The following DNAH6 variants were observed in gnomAD, a reference collection of about 807,000 sequenced individuals.
The protein encoded by DNAH6 is dynein axonemal heavy chain 6.
Under a neutral mutation model 491.4 loss-of-function variants are expected in DNAH6, and 340 were observed. That is an observed-to-expected ratio of 0.69 (90% CI 0.63 to 0.76). DNAH6 has a LOEUF of 0.76. Among genes scored for constraint, DNAH6 ranks in the 30% least tolerant of loss-of-function variants. DNAH6 has a pLI of 0.00. For missense variants in DNAH6, 4,443 were observed against 4,972.2 expected (o/e 0.89, Z 3.20); for synonymous variants, 1,603 against 1,686.1 (o/e 0.95, Z 1.21).
At chr2:84,808,131 A>ATATATG (rs369348036) in intron 71 of DNAH6, among the ~76,000 whole-genome samples, 12 of 141,260 alleles carry the variant, frequency 8.5e-5, no homozygotes, top group African/African-American at 3.4e-4. Context: ...GTGTATATAT[A>ATATATG]TGTGTGTGTG....
intron 63 of DNAH6, among the ~76,000 whole-genome samples, chr2:84,754,925 T>C (rs1673849204): frequency 6.6e-6 from 1 of 152,220 alleles, no homozygotes; most frequent in Non-Finnish European, 1.5e-5. Flanking sequence ...ACATGTGGTG[T>C]TTTTCCACTT....
chr2:84,718,532 G>A, intron 59 of DNAH6, 148 bp downstream of exon 59: 1 of 534,628 alleles, frequency 1.9e-6, no homozygotes. Flanking sequence ...TGCCTGTCAG[G>A]GCTCCTTGCC....
intron 18 of DNAH6, among the ~76,000 whole-genome samples, chr2:84,597,670 G>T (rs1684735362): frequency 6.6e-6 from 1 of 152,190 alleles, no homozygotes; most frequent in African/African-American, 2.4e-5. Flanking sequence ...AATGTTCACA[G>T]CAGCATTGTT....
intron 68 of DNAH6, among the ~76,000 whole-genome samples, chr2:84,788,224 T>C (rs41365348): frequency 0.022 from 3,363 of 152,254 alleles, 127 homozygotes; most frequent in African/African-American, 0.077. Context: ...AAAGTGATGA[T>C]GTAGGCAAAA....
chr2:84,554,619 A>C (rs1385209541), intron 10 of DNAH6, among the ~76,000 whole-genome samples: 4 of 152,336 alleles, frequency 2.6e-5, no homozygotes, highest in Middle Eastern at 3.4e-3. Flanking sequence ...AAGGCATATG[A>C]GTTCTAGCAT....
chr2:84,772,108 A>G (rs918610979), intron 64 of DNAH6, among the ~76,000 whole-genome samples: 2 of 152,216 alleles, frequency 1.3e-5, no homozygotes, highest in Non-Finnish European at 2.9e-5. Flanking sequence ...AATTTTTTAT[A>G]CAACTGAAAC....
At chr2:84,667,402 G>C (rs1374146404) in intron 37 of DNAH6, among the ~76,000 whole-genome samples, 1 of 151,866 alleles carries the variant, frequency 6.6e-6, no homozygotes, top group Non-Finnish European at 1.5e-5. Flanking sequence ...AAATTTACAA[G>C]AAAAAAAATC....
intron 22 of DNAH6, among the ~76,000 whole-genome samples, chr2:84,612,255 T>A (rs1236108723): frequency 1.3e-5 from 2 of 151,400 alleles, no homozygotes; most frequent in Non-Finnish European, 2.9e-5. Flanking sequence ...CACAAAAATG[T>A]CCACACCTTA....
intron 42 of DNAH6, among the ~76,000 whole-genome samples, chr2:84,681,729 C>T (rs1437207810): frequency 2.0e-5 from 3 of 149,528 alleles, no homozygotes; most frequent in Non-Finnish European, 4.4e-5. Context: ...CAGCTGATTA[C>T]TTGTCTTTCA....
intron 44 of DNAH6, among the ~76,000 whole-genome samples, chr2:84,687,088 A>G (rs1694334019): frequency 1.3e-5 from 2 of 152,134 alleles, no homozygotes; most frequent in Non-Finnish European, 2.9e-5. Flanking sequence ...AAATTTTTTT[A>G]TATATTTAAC....
In DNAH6 at chr2:84,703,455, A is replaced by G. The variant is rs1029979422; in HGVS notation, c.8122A>G (p.Lys2708Glu). 3.9e-6 allele frequency: 6 copies of G among 1,549,962 alleles called. No individual in the cohort carries two copies. The East Asian group carries it at 7.3e-5, about 19-fold the overall frequency. ...KLLETNILVD[K>E]MKLDLSALEP... ...ACTAGAAACAAACATACTAGTAGAT[A>G]AAATGAAACTAGATCTTTCAGCTTT... Residue 2708 changes from lysine to glutamate, a missense_variant, in exon 50 of 77, where the codon AAA becomes GAA. By Grantham distance (56) the Lys-to-Glu change is moderately conservative. Transcript: ENST00000389394.
chr2:84,517,702 T>G, intron 1 of DNAH6, 117 bp from the exon 2 acceptor site: 1 of 746,342 alleles, frequency 1.3e-6, no homozygotes, highest in Non-Finnish European at 2.2e-6. Flanking sequence ...TGGGTTTTAT[T>G]TGAGGGAAGT....
At chr2:84,619,948 A>C in intron 24 of DNAH6, 44 bp downstream of exon 24, 8 of 1,465,052 alleles carry the variant, frequency 5.5e-6, no homozygotes, top group Non-Finnish European at 6.5e-6. Context: ...GAACTTTGCT[A>C]CTCCTCTAGG....
intron 72 of DNAH6, among the ~76,000 whole-genome samples, chr2:84,810,867 C>T (rs536146039): frequency 5.3e-5 from 8 of 152,316 alleles, no homozygotes; most frequent in Admixed American, 2.6e-4. Context: ...TTGGCTGCCT[C>T]CTTTGGGAGA....
chr2:84,701,426 C>T, intron 49 of DNAH6, 87 bp downstream of exon 49: 1 of 1,358,964 alleles, frequency 7.4e-7, no homozygotes, highest in Non-Finnish European at 1.0e-6. Flanking sequence ...ACTGTCTTAC[C>T]TGTCAGGGCC....
chr2:84,592,768 T>C (rs1684228603), intron 16 of DNAH6, among the ~76,000 whole-genome samples: 1 of 152,060 alleles, frequency 6.6e-6, no homozygotes, highest in Non-Finnish European at 1.5e-5. Context: ...AATAAGAAAA[T>C]CCTGCTGTGC....
intron 56 of DNAH6, 146 bp downstream of exon 56, chr2:84,710,558 C>A: frequency 6.7e-6 from 5 of 750,746 alleles, no homozygotes; most frequent in Admixed American, 2.7e-5. Context: ...TCTCCTTAAA[C>A]AATACATTAT....
At chr2:84,459,603 C>A in the DNAH6 span, 5 of 262,910 alleles carry the variant, frequency 1.9e-5, no homozygotes, top group Admixed American at 5.2e-5. Flanking sequence ...GGGAAGGGAG[C>A]GAGGGAAGAG....
At chr2:84,741,813 T>C (rs774870110) in intron 62 of DNAH6, among the ~76,000 whole-genome samples, 9 of 152,222 alleles carry the variant, frequency 5.9e-5, no homozygotes, top group Non-Finnish European at 1.2e-4. Flanking sequence ...GTTCCCTTTC[T>C]AGAGAAATGT....
Sources: allele counts gnomAD v4.1 joint callset (sites outside exome capture counted in the v4.1 genomes callset), GRCh38; gene constraint gnomAD v4.1.1; transcripts MANE v1.5; gene names NCBI Gene and HGNC (gene_info 2026-07-23, HGNC 2026-07-21).